The following KCNG2 variants were observed in gnomAD, a reference collection of about 807,000 sequenced individuals.
KCNG2 encodes the protein potassium voltage-gated channel modifier subfamily G member 2, also known as voltage-gated potassium channel regulatory subunit KCNG2.
A neutral mutation model predicts 12.3 loss-of-function variants in KCNG2; 7 were observed. The ratio of observed to expected loss-of-function variants is 0.57; its 90% CI spans 0.32 to 1.07. KCNG2 has a LOEUF of 1.07. Ranked by LOEUF, KCNG2 falls within the 50% of genes least tolerant of loss-of-function variation. KCNG2 has a pLI of 0.04. For missense variants in KCNG2, 703 were observed against 726.0 expected, an observed-to-expected ratio of 0.97 and a Z score of 0.36; for synonymous variants, 414 against 351.4, an observed-to-expected ratio of 1.18 and a Z score of -1.99.
intron 1 of KCNG2, among the ~76,000 whole-genome samples, chr18:79,821,641 T>G (rs1248922505): frequency 6.6e-6 from 1 of 152,164 alleles, no homozygotes; most frequent in East Asian, 1.9e-4. Context: ...TGCACCCTTT[T>G]GTGTGAGCAC....
At chr18:79,833,468 T>C (rs1347714875) in intron 1 of KCNG2, among the ~76,000 whole-genome samples, 3 of 152,222 alleles carry the variant, frequency 2.0e-5, no homozygotes, top group African/African-American at 7.2e-5. Context: ...TTGACTGTTA[T>C]AGTTGTTGGT....
chr18:79,888,120 C>G (rs960054474), intron 3 of KCNG2, among the ~76,000 whole-genome samples: 1 of 152,126 alleles, frequency 6.6e-6, no homozygotes, highest in Non-Finnish European at 1.5e-5. Context: ...ACCTAGGCCT[C>G]GAGGGTGGAG....
At chr18:79,836,531 G>A (rs1978326516) in intron 1 of KCNG2, among the ~76,000 whole-genome samples, 1 of 152,158 alleles carries the variant, frequency 6.6e-6, no homozygotes, top group African/African-American at 2.4e-5. Flanking sequence ...CCAAAGTTGT[G>A]TTAGTCCATT....
chr18:79,832,617 T>G (rs1015605973), intron 1 of KCNG2, among the ~76,000 whole-genome samples: 9 of 152,192 alleles, frequency 5.9e-5, no homozygotes, highest in Non-Finnish European at 1.2e-4. Flanking sequence ...TTTCTGGTAT[T>G]CATGAAACCT....
intron 1 of KCNG2, among the ~76,000 whole-genome samples, chr18:79,853,741 A>T (rs1978906855): frequency 6.6e-6 from 1 of 152,228 alleles, no homozygotes; most frequent in Admixed American, 6.5e-5. Context: ...GGAAGGCCTG[A>T]GTGGGACTAG....
In KCNG2 at chr18:79,822,265, G is replaced by A. The variant is rs188516836; in HGVS notation, c.-115+24251G>A. ...TGTTGGCAGAATGGTCCAGACCAGG[G>A]ATTCCCACTGGCCCCGCCCTGGTCA... On this transcript the variant is annotated intron_variant, in intron 1 of 3. Coordinates refer to ENST00000316249, the MANE Select transcript of KCNG2 (RefSeq NM_012283.2). This position sits in a 1 kb window ranked among gnomAD's most constrained non-coding sequence, Gnocchi z 4.4. Among the ~76,000 whole-genome samples, 322 of 152,222 alleles carry A rather than the reference G, an allele frequency of 2.1e-3. 1 individual carries two copies. The highest frequency in any genetic ancestry group is 3.4e-3 in the Non-Finnish European group (229 of 68,026).
chr18:79,841,967 A>G (rs570490822), intron 1 of KCNG2, among the ~76,000 whole-genome samples: 1 of 152,330 alleles, frequency 6.6e-6, no homozygotes, highest in East Asian at 1.9e-4. Context: ...GCGAGCACTC[A>G]ACTTCACTGT....
chr18:79,883,417 G>C (rs550221376), intron 3 of KCNG2, among the ~76,000 whole-genome samples: 1 of 152,310 alleles, frequency 6.6e-6, no homozygotes, highest in South Asian at 2.1e-4. Context: ...TAAATCTTTG[G>C]GCTCATTTCT....
chr18:79,801,295 C>T (rs2087407936), intron 1 of KCNG2, among the ~76,000 whole-genome samples: 1 of 152,242 alleles, frequency 6.6e-6, no homozygotes. Flanking sequence ...ATTAAGGAAG[C>T]TGAGACTGTG....
At chr18:79,893,479 A>G (rs1220774940) in intron 3 of KCNG2, among the ~76,000 whole-genome samples, 2 of 151,454 alleles carry the variant, frequency 1.3e-5, no homozygotes, top group Non-Finnish European at 2.9e-5. Context: ...TATGATCGAT[A>G]TAGTTGGGTC....
At chr18:79,869,652 C>T (rs1384600546) in intron 3 of KCNG2, among the ~76,000 whole-genome samples, 1 of 152,254 alleles carries the variant, frequency 6.6e-6, no homozygotes, top group Admixed American at 6.5e-5. Context: ...AAACCCACAG[C>T]ATCTTCGTGG....
intron 1 of KCNG2, among the ~76,000 whole-genome samples, chr18:79,826,829 G>C (rs1028226457): frequency 6.6e-6 from 1 of 151,944 alleles, no homozygotes; most frequent in African/African-American, 2.4e-5. Context: ...CCTCACGGAA[G>C]GTTAGTTCGG....
chr18:79,854,627 C>T (rs906517149), intron 1 of KCNG2, among the ~76,000 whole-genome samples: 10 of 149,572 alleles, frequency 6.7e-5, no homozygotes, highest in African/African-American at 1.5e-4. Flanking sequence ...CCCGGGTTCA[C>T]GCATTCTCCT....
Position 79,899,636 on chromosome 18 carries a change from C to A in KCNG2, c.1221C>A (p.Thr407=), listed in dbSNP as rs750205598. ...TCCCGGTCACCTCCATCTTCCACAC[C>A]TTTTCGCGCTCCTACTCCGAGCTCA... is the stretch of plus-strand genomic sequence containing the variant. ...MAFPVTSIFH[T]FSRSYSELKE... The change falls in exon 4 of 4, where the codon ACC becomes ACA. Residue 407 remains threonine, a synonymous_variant. Transcript: ENST00000316249. 6.2e-7 allele frequency: 1 copy of A among 1,604,276 alleles called. No homozygotes were observed. Among genetic ancestry groups the A allele is most frequent in the Non-Finnish European group, 8.5e-7 (1 of 1,175,482 alleles).
intron 3 of KCNG2, among the ~76,000 whole-genome samples, chr18:79,892,385 T>C (rs1980775094): frequency 6.6e-6 from 1 of 152,260 alleles, no homozygotes; most frequent in Non-Finnish European, 1.5e-5. Context: ...TTGGATGATA[T>C]ATCTTTTCCT....
At chr18:79,841,299 T>A (rs1978453096) in intron 1 of KCNG2, among the ~76,000 whole-genome samples, 2 of 151,948 alleles carry the variant, frequency 1.3e-5, no homozygotes, top group South Asian at 4.2e-4. Flanking sequence ...TATCTCATAA[T>A]AAATAAATAA....
intron 1 of KCNG2, among the ~76,000 whole-genome samples, chr18:79,817,498 T>TTC (rs2087538939): frequency 1.4e-5 from 2 of 146,786 alleles, no homozygotes; most frequent in South Asian, 4.2e-4. Context: ...TCACACACAG[T>TTC]TCTCACACAC....
chr18:79,804,507 G>A (rs1211980970), intron 1 of KCNG2, among the ~76,000 whole-genome samples: 1 of 152,218 alleles, frequency 6.6e-6, no homozygotes, highest in Non-Finnish European at 1.5e-5. Flanking sequence ...GTGCTCAGGT[G>A]CACCCGTGGC....
In KCNG2 at chr18:79,899,374, G is replaced by A. The variant is rs373705218; in HGVS notation, c.959G>A (p.Arg320His). Residue 320 changes from arginine (R) to histidine (H), a missense_variant, in exon 4 of 4, where the codon CGC (arginine) becomes CAC (histidine). Physicochemically the swap from Arg to His is conservative, Grantham distance 29. Transcript: ENST00000316249. ...SLGLTMRRCA[R>H]EFGLLLLFLC... ...GGCCTGACCATGCGCCGCTGCGCGC[G>A]CGAGTTCGGGCTGCTGCTGCTGTTC... The A allele has an allele frequency of 3.4e-5, 53 of 1,559,614 alleles. No homozygotes were observed. Among genetic ancestry groups the A allele is most frequent in the South Asian group, 4.6e-5 (4 of 86,170 alleles).
Sources: gnomAD v4.1 joint callset for allele counts (sites outside exome capture counted in the v4.1 genomes callset) on GRCh38, gnomAD v4.1.1 for gene constraint, Gnocchi (gnomAD v3.1) non-coding constraint, MANE v1.5 for transcripts, NCBI Gene and HGNC (gene_info 2026-07-23, HGNC 2026-07-21) for gene names.